Variants in RBMS3 observed in about 807,000 individuals in gnomAD.
RBMS3 encodes the protein RNA binding motif single stranded interacting protein 3, also known as RNA-binding motif, single-stranded-interacting protein 3.
Under a neutral mutation model 66.8 loss-of-function variants are expected in RBMS3, and 27 were observed. That is an observed-to-expected ratio of 0.40 (90% CI 0.30 to 0.56). The LOEUF (loss-of-function observed/expected upper bound fraction) is 0.56. Ranked by LOEUF, RBMS3 falls within the 20% of genes least tolerant of loss-of-function variation. The probability of loss-of-function intolerance (pLI) is 0.40; values close to 1 mark genes in which losing one functional copy is unlikely to be tolerated. For missense variants in RBMS3, 513 were observed against 549.5 expected (o/e 0.93, Z 0.66); for synonymous variants, 188 against 183.0 (o/e 1.03, Z -0.22).
chr3:29,741,654 A>T (rs2054653627), intron 5 of RBMS3, among the ~76,000 whole-genome samples: 1 of 152,214 alleles, frequency 6.6e-6, no homozygotes, highest in Non-Finnish European at 1.5e-5. Context: ...TAAACAAAGG[A>T]TGTGTTCGTA....
intron 1 of RBMS3, among the ~76,000 whole-genome samples, chr3:29,291,730 A>ACC (rs2032832438): frequency 6.6e-6 from 1 of 151,782 alleles, no homozygotes; most frequent in East Asian, 1.9e-4. Flanking sequence ...ACCTAGGATA[A>ACC]TAACATCTCT....
intron 4 of RBMS3, among the ~76,000 whole-genome samples, chr3:29,651,953 A>C (rs1329632527): frequency 6.6e-6 from 1 of 152,112 alleles, no homozygotes. Context: ...GTTTTAAAAC[A>C]TTTTTTATCA....
chr3:29,519,077 G>T (rs2044752252), intron 3 of RBMS3, among the ~76,000 whole-genome samples: 1 of 152,224 alleles, frequency 6.6e-6, no homozygotes, highest in African/African-American at 2.4e-5. Flanking sequence ...AACTGGCAAT[G>T]TGACAGTGAA....
chr3:29,650,279 C>CTTTTTTTTTT (rs560594950), intron 4 of RBMS3, among the ~76,000 whole-genome samples: 1 of 96,234 alleles, frequency 1.0e-5, no homozygotes, highest in African/African-American at 4.4e-5. Context: ...TCCTTTCTTT[C>CTTTTTTTTTT]TTTTTTTTTT....
intron 14 of RBMS3, 83 bp from the exon 15 acceptor site, chr3:30,003,773 G>C (rs908007396): frequency 3.1e-6 from 3 of 974,814 alleles, no homozygotes; most frequent in African/African-American, 1.7e-5. Flanking sequence ...ATCTTTTAAA[G>C]CTGCCTCATT....
At chr3:29,361,963 AG>A (rs2037619384) in intron 1 of RBMS3, among the ~76,000 whole-genome samples, 3 of 152,160 alleles carry the variant, frequency 2.0e-5, no homozygotes, top group African/African-American at 4.8e-5. Context: ...TCTTTTTTCA[AG>A]GTTTTTAACT....
chr3:29,862,622 T>C (rs1443986842), intron 6 of RBMS3, among the ~76,000 whole-genome samples: 2 of 151,210 alleles, frequency 1.3e-5, no homozygotes, highest in African/African-American at 2.4e-5. Context: ...TGTGTGTGCA[T>C]GTGTGGTGGG....
chr3:29,322,377 A>G (rs967028588), intron 1 of RBMS3, among the ~76,000 whole-genome samples: 1 of 152,098 alleles, frequency 6.6e-6, no homozygotes, highest in Non-Finnish European at 1.5e-5. Flanking sequence ...ATGAATTTAT[A>G]ATCACTTTGG....
At chr3:29,283,736 A>G (rs1392841759) in intron 1 of RBMS3, among the ~76,000 whole-genome samples, 2 of 152,154 alleles carry the variant, frequency 1.3e-5, no homozygotes, top group Non-Finnish European at 2.9e-5. Context: ...AAGATCAGCT[A>G]TTTTGCCTAT....
intron 6 of RBMS3, among the ~76,000 whole-genome samples, chr3:29,860,426 G>A (rs1272846664): frequency 2.0e-5 from 3 of 152,188 alleles, no homozygotes; most frequent in African/African-American, 7.2e-5. Flanking sequence ...TAATTTGGCA[G>A]TTGGCATGGG....
chr3:29,506,659 T>C (rs534519912), intron 3 of RBMS3, among the ~76,000 whole-genome samples: 22 of 152,104 alleles, frequency 1.4e-4, no homozygotes, highest in African/African-American at 5.3e-4. Context: ...AGTATTAGTA[T>C]CGGTTCTTCT....
chr3:29,401,272 T>C (rs981475086), intron 1 of RBMS3, among the ~76,000 whole-genome samples: 1 of 152,122 alleles, frequency 6.6e-6, no homozygotes, highest in Non-Finnish European at 1.5e-5. Context: ...ATTTAAAATT[T>C]GGTGTTTTAT....
chr3:29,436,655 C>G (rs1330193915), intron 2 of RBMS3, among the ~76,000 whole-genome samples: 1 of 152,052 alleles, frequency 6.6e-6, no homozygotes. Context: ...AGAAAAATAG[C>G]TATTGTTCTT....
intron 4 of RBMS3, among the ~76,000 whole-genome samples, chr3:29,610,738 G>T (rs765332587): frequency 6.6e-6 from 1 of 151,984 alleles, no homozygotes; most frequent in Non-Finnish European, 1.5e-5. Flanking sequence ...ACACTCGCTG[G>T]TCTCATTCTT....
chr3:29,760,962 G>T (rs542694587), intron 5 of RBMS3, among the ~76,000 whole-genome samples: 1 of 151,850 alleles, frequency 6.6e-6, no homozygotes, highest in South Asian at 2.1e-4. Flanking sequence ...ATACTTATGT[G>T]GATCCATTGG....
chr3:29,356,356 A>C (rs943958119), intron 1 of RBMS3, among the ~76,000 whole-genome samples: 3 of 152,190 alleles, frequency 2.0e-5, no homozygotes, highest in Non-Finnish European at 4.4e-5. Context: ...TTGTTGACCT[A>C]GTGGTAAATT....
chr3:29,883,110 T>TTTG (rs1176687134), intron 7 of RBMS3, among the ~76,000 whole-genome samples: 1 of 152,086 alleles, frequency 6.6e-6, no homozygotes, highest in Non-Finnish European at 1.5e-5. Flanking sequence ...TTAAATTCCA[T>TTTG]TCAACATTGT....
intron 11 of RBMS3, among the ~76,000 whole-genome samples, chr3:29,943,111 A>G (rs1259062042): frequency 6.6e-6 from 1 of 151,832 alleles, no homozygotes; most frequent in Non-Finnish European, 1.5e-5. Context: ...GGAGAGAGTG[A>G]TTAAAATTGA....
At chr3:29,895,181 C>A (rs111484225) in intron 8 of RBMS3, among the ~76,000 whole-genome samples, 4 of 151,424 alleles carry the variant, frequency 2.6e-5, no homozygotes, top group African/African-American at 9.7e-5. Flanking sequence ...GAGTGTTATT[C>A]GTCTTTGTTA....
Sources: gnomAD v4.1 joint callset for allele counts (sites outside exome capture counted in the v4.1 genomes callset) on GRCh38, gnomAD v4.1.1 for gene constraint, MANE v1.5 for transcripts, NCBI Gene and HGNC (gene_info 2026-07-23, HGNC 2026-07-21) for gene names.